Variants in LPP observed in about 807,000 individuals in gnomAD.
The protein encoded by LPP is LIM domain containing preferred translocation partner in lipoma, also known as lipoma-preferred partner.
A neutral mutation model predicts 60.4 loss-of-function variants in LPP; 38 were observed. That is an observed-to-expected ratio of 0.63 (90% CI 0.49 to 0.83). LPP has a LOEUF of 0.83. LPP is among the 40% of genes least tolerant of loss of function. LPP has a pLI of 0.00. For missense variants in LPP, 902 were observed against 783.6 expected, an observed-to-expected ratio of 1.15 and a Z score of -1.80; for synonymous variants, 328 against 290.8, an observed-to-expected ratio of 1.13 and a Z score of -1.30.
intron 7 of LPP, among the ~76,000 whole-genome samples, chr3:188,621,270 AG>A (rs1411432595): frequency 6.6e-6 from 1 of 152,156 alleles, no homozygotes; most frequent in Non-Finnish European, 1.5e-5. Context: ...AATTGGACCC[AG>A]GTGGTAAGCA....
In LPP at chr3:188,879,811, G is replaced by T. The variant is rs556656176; in HGVS notation, c.*5332G>T. 2 of 180,826 alleles carry T rather than the reference G, an allele frequency of 1.1e-5. No homozygotes were observed. The highest frequency in any genetic ancestry group is 4.7e-5 in the African/African-American group (2 of 42,474). The allele number at this position is 180,826 out of a possible 1,614,324, so 11.2% of individuals were successfully genotyped here. ...AGACTAATAATATATTGTAATAGTTGATACTAAAATATTTTTCAGCAGGTT... is the reference window on the plus strand; with the variant it reads ...AGACTAATAATATATTGTAATAGTTTATACTAAAATATTTTTCAGCAGGTT... On this transcript the variant is annotated 3_prime_UTR_variant, in exon 12 of 12. Transcript: ENST00000617246.
intron 6 of LPP, among the ~76,000 whole-genome samples, chr3:188,565,092 G>T (rs1252247761): frequency 6.6e-6 from 1 of 151,818 alleles, no homozygotes. Context: ...CATGGAGGAG[G>T]AATTCTTCCT....
Position 188,567,771 on chromosome 3 carries a change from G to T in LPP, c.430-41390G>T, listed in dbSNP as rs148708934. Among the ~76,000 whole-genome samples, 396 of 152,016 alleles carry T rather than the reference G, an allele frequency of 2.6e-3. 1 individual carries two copies. The highest frequency in any genetic ancestry group is 9.1e-3 in the African/African-American group (379 of 41,518). On this transcript the variant is annotated intron_variant, in intron 6 of 11. Transcript: ENST00000617246. ...CAAATAATGACTTACATCAAACCAAGAGTTTATTCCTCTTCTCATGCATAT... is the reference window on the plus strand; with the variant it reads ...CAAATAATGACTTACATCAAACCAATAGTTTATTCCTCTTCTCATGCATAT...
At chr3:188,460,246 C>G (rs1407745010) in intron 4 of LPP, among the ~76,000 whole-genome samples, 1 of 152,108 alleles carries the variant, frequency 6.6e-6, no homozygotes, top group African/African-American at 2.4e-5. Flanking sequence ...GTGCAGATAT[C>G]AAGACTATTG....
At chr3:188,376,734 T>G (rs1167970302) in intron 3 of LPP, among the ~76,000 whole-genome samples, 1 of 152,200 alleles carries the variant, frequency 6.6e-6, no homozygotes, top group Non-Finnish European at 1.5e-5. Context: ...ATGTGTGAAT[T>G]CGATCCTGTC....
At chr3:188,851,496 A>G (rs1476524805) in intron 9 of LPP, among the ~76,000 whole-genome samples, 2 of 152,198 alleles carry the variant, frequency 1.3e-5, no homozygotes, top group Admixed American at 6.5e-5. Flanking sequence ...AGGAAAGTCT[A>G]TTTTGCATCC....
chr3:188,813,504 A>G (rs761629442), intron 9 of LPP, among the ~76,000 whole-genome samples: 10 of 152,230 alleles, frequency 6.6e-5, no homozygotes, highest in Non-Finnish European at 1.3e-4. Flanking sequence ...TCCAGGTAGT[A>G]TCTCCAGAAT....
chr3:188,193,400 A>G (rs561350715), intron 1 of LPP, among the ~76,000 whole-genome samples: 13 of 152,314 alleles, frequency 8.5e-5, no homozygotes, highest in Middle Eastern at 3.4e-3. Flanking sequence ...TTACCTGTAA[A>G]ACGGGAATGA....
intron 1 of LPP, among the ~76,000 whole-genome samples, chr3:188,222,066 A>G (rs1715987601): frequency 6.6e-6 from 1 of 152,172 alleles, no homozygotes; most frequent in Non-Finnish European, 1.5e-5. Flanking sequence ...CTTATGGTTG[A>G]TGGAAAGTTT....
intron 9 of LPP, among the ~76,000 whole-genome samples, chr3:188,817,447 C>T (rs1043210971): frequency 1.8e-4 from 28 of 152,262 alleles, no homozygotes; most frequent in African/African-American, 6.7e-4. Flanking sequence ...GCTGTTAAAA[C>T]ACTTAGTTCT....
intron 5 of LPP, among the ~76,000 whole-genome samples, chr3:188,490,107 T>A (rs2149735849): frequency 6.6e-6 from 1 of 152,276 alleles, no homozygotes; most frequent in Admixed American, 6.5e-5. Context: ...CTCATATTGG[T>A]TTTCTTTCCC....
intron 2 of LPP, among the ~76,000 whole-genome samples, chr3:188,239,174 G>A (rs1201738927): frequency 2.0e-5 from 3 of 152,314 alleles, no homozygotes; most frequent in East Asian, 1.9e-4. Context: ...TCTCCACTCC[G>A]TTTCTCTGCC....
chr3:188,290,363 G>A (rs149699146), intron 2 of LPP, among the ~76,000 whole-genome samples: 2 of 152,178 alleles, frequency 1.3e-5, no homozygotes, highest in African/African-American at 4.8e-5. Context: ...AATATCATGT[G>A]ACCTTGGACA....
chr3:188,277,826 C>G (rs756712637), intron 2 of LPP, among the ~76,000 whole-genome samples: 2 of 152,272 alleles, frequency 1.3e-5, no homozygotes, highest in South Asian at 2.1e-4. Context: ...TCATGCTGAC[C>G]ACAGATTTCT....
chr3:188,199,273 T>C (rs143909516), intron 1 of LPP, among the ~76,000 whole-genome samples: 2 of 152,172 alleles, frequency 1.3e-5, no homozygotes, highest in East Asian at 3.9e-4. Flanking sequence ...AGATGCATCA[T>C]CTCGCTATAC....
chr3:188,413,717 T>A (rs901219137), intron 4 of LPP, among the ~76,000 whole-genome samples: 10 of 152,154 alleles, frequency 6.6e-5, no homozygotes, highest in African/African-American at 2.4e-4. Flanking sequence ...TGGAGTGACA[T>A]CAGATCTTAC....
At chr3:188,573,008 G>T (rs1381915212) in intron 6 of LPP, among the ~76,000 whole-genome samples, 3 of 152,108 alleles carry the variant, frequency 2.0e-5, no homozygotes, top group Admixed American at 6.6e-5. Flanking sequence ...CCATAGGGTT[G>T]CCACAGAGCA....
chr3:188,342,254 C>T (rs1446674938), intron 3 of LPP, among the ~76,000 whole-genome samples: 2 of 152,156 alleles, frequency 1.3e-5, no homozygotes, highest in African/African-American at 2.4e-5. Flanking sequence ...ATCCTAAGAA[C>T]ACAGAAAATT....
rs557891600 is a variant in LPP, at chr3:188,231,922, C to T, written c.-67+6395C>T. On this transcript the variant is annotated intron_variant, in intron 2 of 11. Coordinates refer to ENST00000617246, the MANE Select transcript of LPP (RefSeq NM_001375462.1). ...AAAAGTTGCATAAATCAATATTACACGGCTCAGACAGTGTATCTCTGCAGT... is the reference window on the plus strand; with the variant it reads ...AAAAGTTGCATAAATCAATATTACATGGCTCAGACAGTGTATCTCTGCAGT... Among the ~76,000 whole-genome samples the T allele has an allele frequency of 7.9e-5, 12 of 152,242 alleles. No homozygotes were observed. The East Asian group carries it at 1.7e-3, about 22-fold the overall frequency.
Sources: gnomAD v4.1 joint callset for allele counts (sites outside exome capture counted in the v4.1 genomes callset) on GRCh38, gnomAD v4.1.1 for gene constraint, MANE v1.5 for transcripts, NCBI Gene and HGNC (gene_info 2026-07-23, HGNC 2026-07-21) for gene names.